Variants in SNX24 observed in about 807,000 individuals in gnomAD.
The protein encoded by SNX24 is sorting nexin-24.
Under a neutral mutation model 28.7 loss-of-function variants are expected in SNX24, and 22 were observed. The observed-to-expected ratio is 0.77, with a 90% CI of 0.55 to 1.10. The LOEUF (loss-of-function observed/expected upper bound fraction) is 1.10, where lower values mean the gene tolerates loss of function less well. Among genes scored for constraint, SNX24 ranks in the 50% least tolerant of loss-of-function variants. The probability of loss-of-function intolerance (pLI) is 0.00; values close to 1 mark genes in which losing one functional copy is unlikely to be tolerated. For missense variants in SNX24, 221 were observed against 201.1 expected, an observed-to-expected ratio of 1.10 and a Z score of -0.60; for synonymous variants, 69 against 71.5, an observed-to-expected ratio of 0.96 and a Z score of 0.18.
intron 5 of SNX24, among the ~76,000 whole-genome samples, chr5:123,027,493 G>GGGCACC (rs1237468565): frequency 1.3e-5 from 2 of 152,114 alleles, no homozygotes; most frequent in Non-Finnish European, 2.9e-5. Context: ...CCGAGGGCAC[G>GGGCACC]GGCACCAGCG....
chr5:123,002,837 C>G (rs748643322), intron 6 of SNX24, among the ~76,000 whole-genome samples: 3 of 152,212 alleles, frequency 2.0e-5, no homozygotes, highest in Non-Finnish European at 4.4e-5. Context: ...TTATGCATCT[C>G]TTTATGAGCT....
intron 1 of SNX24, among the ~76,000 whole-genome samples, chr5:122,905,848 C>A (rs1757626227): frequency 6.6e-6 from 1 of 152,180 alleles, no homozygotes. Flanking sequence ...CCATTTACTA[C>A]CTTCCTGGTT....
At chr5:122,961,760 G>T (rs1374830180) in intron 3 of SNX24, among the ~76,000 whole-genome samples, 1 of 152,138 alleles carries the variant, frequency 6.6e-6, no homozygotes, top group African/African-American at 2.4e-5. Context: ...GCTAGCAAGT[G>T]TTTTCAGATT....
chr5:122,925,225 TCCCTCCCTCTTCTTTTTC>T (rs1758637552), intron 1 of SNX24, among the ~76,000 whole-genome samples: 2 of 75,376 alleles, frequency 2.7e-5, no homozygotes, highest in Admixed American at 3.2e-4. Context: ...CCCTCCCCCT[TCCCTCCCTCTTCTTTTTC>T]TCCTCCTCCT....
rs1231905211 is a variant in SNX24, at chr5:122,917,279, A to G, written c.61-19455A>G. On this transcript the variant is annotated intron_variant, in intron 1 of 6. Coordinates refer to ENST00000261369, the MANE Select transcript of SNX24 (RefSeq NM_014035.4). Reference sequence around the variant, plus strand: ...TCAAAAAAAAAAAAAAAGAAAGAAAAAAAAGACTGCTCCTCAACATCTCTC... The same window carrying G: ...TCAAAAAAAAAAAAAAAGAAAGAAAGAAAAGACTGCTCCTCAACATCTCTC... Among the ~76,000 whole-genome samples the G allele has an allele frequency of 2.6e-5, 4 of 151,928 alleles. No homozygotes were observed. The South Asian group carries it at 6.2e-4, about 24-fold the overall frequency.
At chr5:122,991,708 G>C (rs974067271) in intron 3 of SNX24, among the ~76,000 whole-genome samples, 1 of 152,068 alleles carries the variant, frequency 6.6e-6, no homozygotes, top group African/African-American at 2.4e-5. Context: ...TGATCCACCC[G>C]CCTTGGCCTC....
At chr5:122,900,122 C>G (rs548096483) in intron 1 of SNX24, among the ~76,000 whole-genome samples, 2 of 151,560 alleles carry the variant, frequency 1.3e-5, no homozygotes, top group Non-Finnish European at 2.9e-5. Flanking sequence ...CAGGCTCAAG[C>G]GATACTCCTG....
intron 3 of SNX24, among the ~76,000 whole-genome samples, chr5:122,972,423 C>T (rs545689403): frequency 3.9e-5 from 6 of 152,154 alleles, no homozygotes; most frequent in Non-Finnish European, 8.8e-5. Context: ...TCAAAGAATA[C>T]ACAGCCTCCT....
At chr5:122,963,788 GTC>G (rs1238949001) in intron 3 of SNX24, among the ~76,000 whole-genome samples, 5 of 152,172 alleles carry the variant, frequency 3.3e-5, no homozygotes. Flanking sequence ...AATGTAAGTA[GTC>G]TCTTTCTTCA....
intron 1 of SNX24, among the ~76,000 whole-genome samples, chr5:122,907,306 A>G (rs1184027446): frequency 6.6e-6 from 1 of 152,218 alleles, no homozygotes; most frequent in Non-Finnish European, 1.5e-5. Context: ...TAAAAAGTCT[A>G]TTAAAAAAAA....
intron 3 of SNX24, among the ~76,000 whole-genome samples, chr5:122,974,052 G>T (rs1761065265): frequency 2.0e-5 from 3 of 152,112 alleles, no homozygotes; most frequent in Non-Finnish European, 2.9e-5. Flanking sequence ...CTCAATAAAT[G>T]GGCTGGAGTA....
At chr5:122,947,451 A>T (rs1759737298) in intron 3 of SNX24, among the ~76,000 whole-genome samples, 1 of 152,110 alleles carries the variant, frequency 6.6e-6, no homozygotes, top group Non-Finnish European at 1.5e-5. Flanking sequence ...CAGTGCTCTA[A>T]TAGGAAAGCT....
chr5:122,989,540 G>A (rs1231216942), intron 3 of SNX24, among the ~76,000 whole-genome samples: 2 of 152,040 alleles, frequency 1.3e-5, no homozygotes, highest in Admixed American at 6.5e-5. Flanking sequence ...GCGGGGGCAG[G>A]TGTTATTGGG....
downstream of SNX24, among the ~76,000 whole-genome samples, chr5:123,013,447 C>G (rs185701969): frequency 3.7e-3 from 569 of 152,242 alleles, 4 homozygotes; most frequent in African/African-American, 0.013. Flanking sequence ...ATTTTGAATT[C>G]AGCAGCGGAA....
intron 1 of SNX24, among the ~76,000 whole-genome samples, chr5:122,874,157 A>G (rs919329899): frequency 5.9e-5 from 9 of 152,254 alleles, no homozygotes; most frequent in Non-Finnish European, 4.4e-5. Flanking sequence ...ATATTACTAT[A>G]TAAATACAGT....
chr5:123,011,224 A>G (rs1478633404), downstream of SNX24, among the ~76,000 whole-genome samples: 2 of 152,144 alleles, frequency 1.3e-5, no homozygotes, highest in African/African-American at 4.8e-5. Context: ...AAAAAATCCC[A>G]TTACCACTTA....
chr5:122,902,034 A>T (rs189751506), intron 1 of SNX24, among the ~76,000 whole-genome samples: 1 of 152,344 alleles, frequency 6.6e-6, no homozygotes, highest in Non-Finnish European at 1.5e-5. Context: ...CCTAAAACAT[A>T]AGAACAGTCA....
At chr5:122,950,089 G>A (rs572596022) in intron 3 of SNX24, among the ~76,000 whole-genome samples, 20 of 152,212 alleles carry the variant, frequency 1.3e-4, no homozygotes, top group South Asian at 1.0e-3. Flanking sequence ...TGAGGAAATC[G>A]ATCTCCTGTA....
intron 3 of SNX24, among the ~76,000 whole-genome samples, chr5:122,987,357 T>C (rs557132817): frequency 6.6e-6 from 1 of 152,312 alleles, no homozygotes; most frequent in East Asian, 1.9e-4. Flanking sequence ...AGAAACTCTC[T>C]GGGTTGGACC....
Sources: allele counts gnomAD v4.1 joint callset (sites outside exome capture counted in the v4.1 genomes callset), GRCh38; gene constraint gnomAD v4.1.1; transcripts MANE v1.5; gene names NCBI Gene and HGNC (gene_info 2026-07-23, HGNC 2026-07-21).